PDE1A: variants seen among roughly 807,000 people sequenced by gnomAD.
PDE1A encodes the protein dual specificity calcium/calmodulin-dependent 3',5'-cyclic nucleotide phosphodiesterase 1A.
A neutral mutation model predicts 61.7 loss-of-function variants in PDE1A; 35 were observed. That is an observed-to-expected ratio of 0.57 (90% confidence interval 0.43 to 0.75). The LOEUF is 0.75. PDE1A is among the 30% of genes least tolerant of loss of function. The probability of loss-of-function intolerance (pLI) is 0.00; values close to 1 mark genes in which losing one functional copy is unlikely to be tolerated. For synonymous variants in PDE1A, 232 were observed against 213.2 expected, an observed-to-expected ratio of 1.09 and a Z score of -0.77; for missense variants, 597 against 630.6, an observed-to-expected ratio of 0.95 and a Z score of 0.57.
At chr2:182,564,315 G>C in the PDE1A span, among the ~76,000 whole-genome samples, 1 of 152,024 alleles carries the variant, frequency 6.6e-6, no homozygotes, top group Non-Finnish European at 1.5e-5. Context: ...CACTTATGAA[G>C]CTTAGTTTGG....
intron 7 of PDE1A, among the ~76,000 whole-genome samples, chr2:182,207,755 C>A (rs1278914614): frequency 6.6e-6 from 1 of 152,208 alleles, no homozygotes; most frequent in Non-Finnish European, 1.5e-5. Flanking sequence ...TATCACAAGC[C>A]TGAAGGCCTA....
At chr2:182,516,750 A>AAGGAAGGAAGGAAG (rs1690198500) in intron 2 of PDE1A, among the ~76,000 whole-genome samples, 1 of 143,458 alleles carries the variant, frequency 7.0e-6, no homozygotes, top group Non-Finnish European at 1.5e-5. Context: ...GGAAAAAGAG[A>AAGGAAGGAAGGAAG]GAAAGAAAGA....
chr2:182,538,463 C>T, the PDE1A span, among the ~76,000 whole-genome samples: 3 of 152,120 alleles, frequency 2.0e-5, no homozygotes, highest in Non-Finnish European at 2.9e-5. Flanking sequence ...TATTGGCATG[C>T]ACCATTAATT....
intron 1 of PDE1A, among the ~76,000 whole-genome samples, chr2:182,418,298 T>A (rs1703046924): frequency 6.6e-6 from 1 of 152,140 alleles, no homozygotes; most frequent in Non-Finnish European, 1.5e-5. Flanking sequence ...ACTGGGAAAA[T>A]GTGGGCAGTC....
At chr2:182,457,301 T>C (rs1019319239) in intron 2 of PDE1A, among the ~76,000 whole-genome samples, 2 of 152,124 alleles carry the variant, frequency 1.3e-5, no homozygotes, top group South Asian at 4.1e-4. Context: ...TGTCATGAAA[T>C]TACCTGCATA....
chr2:182,198,170 G>C (rs1289747134), intron 10 of PDE1A, among the ~76,000 whole-genome samples: 2 of 151,620 alleles, frequency 1.3e-5, no homozygotes, highest in Admixed American at 1.3e-4. Flanking sequence ...AAAGCATACT[G>C]TTTTCAATTT....
chr2:182,231,196 A>C (rs1248641894), intron 4 of PDE1A, 65 bp from the exon 5 acceptor site: 2 of 836,616 alleles, frequency 2.4e-6, no homozygotes, highest in African/African-American at 3.4e-5. Context: ...AATTTATTCA[A>C]AAGATAAGGC....
chr2:182,560,186 T>C, the PDE1A span, among the ~76,000 whole-genome samples: 19 of 151,710 alleles, frequency 1.3e-4, no homozygotes, highest in East Asian at 3.1e-3. Context: ...TAGCATTATG[T>C]GTATTTCCTA....
chr2:182,434,050 T>G (rs759327033), intron 2 of PDE1A, among the ~76,000 whole-genome samples: 1 of 152,128 alleles, frequency 6.6e-6, no homozygotes, highest in African/African-American at 2.4e-5. Context: ...CTGTTTAATT[T>G]TTTATTCACA....
intron 1 of PDE1A, among the ~76,000 whole-genome samples, chr2:182,366,286 A>G (rs991887380): frequency 9.9e-5 from 15 of 152,092 alleles, no homozygotes; most frequent in African/African-American, 3.6e-4. Flanking sequence ...TTGTTTATAA[A>G]CAGGTGATTG....
At chr2:182,231,975 C>T (rs1689619266) in intron 4 of PDE1A, among the ~76,000 whole-genome samples, 1 of 152,046 alleles carries the variant, frequency 6.6e-6, no homozygotes, top group Non-Finnish European at 1.5e-5. Flanking sequence ...AGAGTATACA[C>T]TATCTTTAAT....
chr2:182,599,478 G>A, the PDE1A span, among the ~76,000 whole-genome samples: 22 of 152,156 alleles, frequency 1.4e-4, no homozygotes, highest in Non-Finnish European at 2.6e-4. Context: ...CATTAAATCC[G>A]ATCAGATTTA....
At chr2:182,208,692 G>A (rs986169954) in intron 7 of PDE1A, among the ~76,000 whole-genome samples, 8 of 152,182 alleles carry the variant, frequency 5.3e-5, no homozygotes, top group South Asian at 4.1e-4. Flanking sequence ...GCCCAAGGCC[G>A]TAGGAGCACA....
chr2:182,613,223 G>A, the PDE1A span, among the ~76,000 whole-genome samples: 1 of 152,104 alleles, frequency 6.6e-6, no homozygotes, highest in Non-Finnish European at 1.5e-5. Flanking sequence ...AAGAACAATT[G>A]TCAAGGATTC....
At chr2:182,332,469 T>G (rs895179003) in intron 1 of PDE1A, among the ~76,000 whole-genome samples, 4 of 152,170 alleles carry the variant, frequency 2.6e-5, no homozygotes, top group Admixed American at 1.3e-4. Context: ...TTTGCACTGG[T>G]TTTTCCTCAT....
intron 3 of PDE1A, 75 bp from the exon 4 acceptor site, chr2:182,234,573 G>A (rs1689856415): frequency 2.1e-6 from 2 of 957,176 alleles, no homozygotes; most frequent in Non-Finnish European, 3.3e-6. Context: ...AAATATCAGG[G>A]AAAAGATTAC....
At chr2:182,634,050 T>C in the PDE1A span, among the ~76,000 whole-genome samples, 2 of 151,688 alleles carry the variant, frequency 1.3e-5, no homozygotes, top group Admixed American at 1.3e-4. Context: ...AATCACACCA[T>C]TGTACTCTAA....
chr2:182,613,424 A>G, the PDE1A span, among the ~76,000 whole-genome samples: 1 of 152,026 alleles, frequency 6.6e-6, no homozygotes, highest in Non-Finnish European at 1.5e-5. Flanking sequence ...TTAGCCGGGC[A>G]TGGTGATGGG....
chr2:182,411,583 C>T (rs1444390741), intron 1 of PDE1A, among the ~76,000 whole-genome samples: 1 of 152,098 alleles, frequency 6.6e-6, no homozygotes, highest in Non-Finnish European at 1.5e-5. Flanking sequence ...TCAAGTTGTA[C>T]CTCCTTTCAG....
Sources: gnomAD v4.1 joint callset for allele counts (sites outside exome capture counted in the v4.1 genomes callset) on GRCh38, gnomAD v4.1.1 for gene constraint, MANE v1.5 for transcripts, NCBI Gene and HGNC (gene_info 2026-07-23, HGNC 2026-07-21) for gene names.